Variants in ORC1 observed in about 807,000 individuals in gnomAD.
ORC1 encodes the protein origin recognition complex, subunit 1 homolog.
ORC1 carries 61 observed loss-of-function variants against 98.9 expected under a neutral mutation model. The observed-to-expected ratio is 0.62, with a 90% CI of 0.50 to 0.76. The LOEUF (loss-of-function observed/expected upper bound fraction) is 0.76, where lower values mean the gene tolerates loss of function less well. ORC1 is among the 30% of genes least tolerant of loss of function. ORC1 has a pLI of 0.00. For missense variants in ORC1, 979 were observed against 1,072.2 expected (o/e 0.91, Z 1.21); for synonymous variants, 385 against 406.9 (o/e 0.95, Z 0.65).
At position 52,383,871 on chromosome 1, in the gene ORC1, G is replaced by A. The variant is rs1368174201; in HGVS notation, c.1822C>T (p.Arg608Ter). 5.6e-6 allele frequency: 9 copies of A among 1,613,984 alleles called. No homozygotes were observed. Among genetic ancestry groups the A allele is most frequent in the African/African-American group, 2.7e-5 (2 of 74,898 alleles). Reference sequence around the variant, plus strand: ...ACGGTGGTTTCCTGAGGTGACCCTCGGGTGCAGAATTGCTTTGCCAGCAGT... The same window carrying A: ...ACGGTGGTTTCCTGAGGTGACCCTCAGGTGCAGAATTGCTTTGCCAGCAGT... ...AELLAKQFCT[R>*]GSPQETTVLL... The change falls in exon 12 of 17, where the codon CGA (arginine) becomes TGA (stop). Residue 608 changes from arginine (R) to a stop codon, truncating the protein, a stop_gained. Transcript: ENST00000371568. LOFTEE classifies it high-confidence loss of function.
chr1:52,408,471 G>A, upstream of ORC1: 1 of 1,528,118 alleles, frequency 6.5e-7, no homozygotes, highest in African/African-American at 1.4e-5. Flanking sequence ...CTGCCAAAGA[G>A]AAGAACATGT....
At chr1:52,398,083 C>A (rs544001855) in intron 3 of ORC1, among the ~76,000 whole-genome samples, 1 of 151,838 alleles carries the variant, frequency 6.6e-6, no homozygotes, top group South Asian at 2.1e-4. Flanking sequence ...GCTGCCTCAG[C>A]CTCCTGAGTA....
upstream of ORC1, among the ~76,000 whole-genome samples, chr1:52,406,987 GTAGT>G (rs1327446601): frequency 6.6e-6 from 1 of 152,210 alleles, no homozygotes; most frequent in Non-Finnish European, 1.5e-5. Flanking sequence ...GGAAATTTAA[GTAGT>G]TAGATATAGG....
intron 3 of ORC1, among the ~76,000 whole-genome samples, chr1:52,398,591 TA>T (rs199729597): frequency 8.8e-5 from 13 of 148,548 alleles, no homozygotes; most frequent in East Asian, 4.1e-4. Flanking sequence ...TATTTTATTT[TA>T]TTTTTTTGAG....
rs1342936946 is a variant in ORC1 at position 52,373,137 on chromosome 1, A to G, written c.*44T>C. The G allele has an allele frequency of 6.2e-7, 1 of 1,601,372 alleles. No homozygotes were observed. Among genetic ancestry groups the G allele is most frequent in the East Asian group, 2.2e-5 (1 of 44,796 alleles). The stretch of plus-strand genomic sequence containing the variant: ...ACAGAGCAAGACCCTGTCTCAAAAA[A>G]CAAAACCCAGCAAGACCCCAGTCTT... On this transcript the variant is annotated 3_prime_UTR_variant, in exon 17 of 17. Transcript: ENST00000371568.
upstream of ORC1, chr1:52,404,736 G>A (rs377555490): frequency 2.5e-6 from 4 of 1,611,844 alleles, no homozygotes; most frequent in African/African-American, 4.0e-5. Context: ...AAATAGAATT[G>A]AAGGCATTCT....
intron 14 of ORC1, among the ~76,000 whole-genome samples, chr1:52,376,240 C>T (rs1450942282): frequency 1.3e-5 from 2 of 152,158 alleles, no homozygotes; most frequent in Non-Finnish European, 1.5e-5. Context: ...GGGTCTGGGG[C>T]GCGGTGGGTC....
At chr1:52,397,365 A>G (rs1647451274) in intron 4 of ORC1, among the ~76,000 whole-genome samples, 1 of 152,232 alleles carries the variant, frequency 6.6e-6, no homozygotes, top group Non-Finnish European at 1.5e-5. Context: ...CGTTTAAGCC[A>G]GCATATTCAG....
intron 14 of ORC1, among the ~76,000 whole-genome samples, chr1:52,376,881 G>A (rs868792181): frequency 2.0e-5 from 3 of 152,264 alleles, no homozygotes; most frequent in African/African-American, 4.8e-5. Context: ...AGGACATCCT[G>A]CAGGCACCTG....
chr1:52,373,292 G>A lies in ORC1; in HGVS notation c.2475C>T (p.His825=). 1 of 1,614,210 alleles carries A rather than the reference G, an allele frequency of 6.2e-7. No homozygotes were observed. The highest frequency in any genetic ancestry group is 8.5e-7 in the Non-Finnish European group (1 of 1,180,018). The stretch of plus-strand genomic sequence containing the variant: ...CAAGCAGGAGGCGACAGGAGCCCAG[G>A]TGAGAACACACGGCCATGGTCTCTG... ...TMSETMAVCS[H]LGSCRLLLVE... is the part of the protein sequence containing the mutation. The change falls in exon 17 of 17, where the codon CAC becomes CAT. Residue 825 remains histidine (H), a synonymous_variant. Coordinates refer to ENST00000371568, the MANE Select transcript of ORC1 (RefSeq NM_004153.4).
intron 6 of ORC1, among the ~76,000 whole-genome samples, chr1:52,390,511 CTG>C (rs1647194394): frequency 6.6e-6 from 1 of 152,146 alleles, no homozygotes; most frequent in Non-Finnish European, 1.5e-5. Context: ...AAGAATGAAA[CTG>C]GGGCCGGCCA....
upstream of ORC1, chr1:52,404,543 CGCTAACAT>C (rs1647907214): frequency 3.8e-6 from 2 of 523,162 alleles, no homozygotes; most frequent in Non-Finnish European, 6.8e-6. Flanking sequence ...GACGTACATC[CGCTAACAT>C]GCAGCCGCCA....
intron 7 of ORC1, 32 bp from the exon 8 acceptor site, chr1:52,388,669 A>C (rs1647175486): frequency 1.3e-6 from 2 of 1,565,048 alleles, no homozygotes; most frequent in African/African-American, 1.4e-5. Flanking sequence ...TTTGATACTC[A>C]GTGTTCAAGT....
chr1:52,389,189 T>G (rs750970582), intron 7 of ORC1, 28 bp downstream of exon 7: 1 of 1,502,366 alleles, frequency 6.7e-7, no homozygotes. Flanking sequence ...GCAGCAATGT[T>G]TCTCTGCCTG....
At chr1:52,391,665 G>A (rs1336272446) in intron 6 of ORC1, among the ~76,000 whole-genome samples, 1 of 152,204 alleles carries the variant, frequency 6.6e-6, no homozygotes, top group Non-Finnish European at 1.5e-5. Flanking sequence ...CTGGGAGGCT[G>A]AGATGGGTGG....
Position 52,383,554 on chromosome 1 carries a change from T to A in ORC1, c.1879A>T (p.Thr627Ser), listed in dbSNP as rs1290182549. 1 of 1,613,882 alleles carries A rather than the reference T, an allele frequency of 6.2e-7. No homozygotes were observed. The highest frequency in any genetic ancestry group is 8.5e-7 in the Non-Finnish European group (1 of 1,180,032). The part of the protein sequence containing the change: ...LLVDELDLLW[T>S]HKQDIMYNLF... ...TTGTACATTATGTCTTGTTTGTGAG[T>A]CCACAGAAGGTCGAGCTGCCAGGGC... Residue 627 changes from threonine to serine, a missense_variant, in exon 13 of 17, where the codon ACT becomes TCT. Thr to Ser is a moderately conservative substitution (Grantham distance 58). Transcript: ENST00000371568.
Position 52,402,178 on chromosome 1 carries a change from A to G in ORC1, c.46T>C (p.Trp16Arg). The part of the protein sequence containing the change: ...TRLKTRKTYS[W>R]VGRPLLDRKL... ...CGATCCAACAAGGGCCTGCCAACCC[A>G]TGAATAAGTTTTTCTGGTCTTCAGC... Residue 16 changes from tryptophan (W) to arginine (R), a missense_variant, in exon 2 of 17, where the codon TGG (tryptophan) becomes CGG (arginine). Trp to Arg is a moderately radical substitution (Grantham distance 101). Transcript: ENST00000371568. 6.2e-7 allele frequency: 1 copy of G among 1,614,210 alleles called. No homozygotes were observed. Among genetic ancestry groups the G allele is most frequent in the Non-Finnish European group, 8.5e-7 (1 of 1,180,028 alleles).
chr1:52,376,083 A>T (rs931017472), intron 14 of ORC1, among the ~76,000 whole-genome samples: 2 of 152,176 alleles, frequency 1.3e-5, no homozygotes, highest in Admixed American at 1.3e-4. Flanking sequence ...TCAAGAATGT[A>T]GGAAGGGGCT....
upstream of ORC1, among the ~76,000 whole-genome samples, chr1:52,406,519 A>G (rs940519693): frequency 1.1e-4 from 17 of 150,728 alleles, no homozygotes; most frequent in Middle Eastern, 3.4e-3. Context: ...TCTGTTGCCC[A>G]TTAACTATGA....
Sources: gnomAD v4.1 joint callset for allele counts (sites outside exome capture counted in the v4.1 genomes callset) on GRCh38, gnomAD v4.1.1 for gene constraint, MANE v1.5 for transcripts, NCBI Gene and HGNC (gene_info 2026-07-23, HGNC 2026-07-21) for gene names.